Variants in CAPN1 observed in about 807,000 individuals in gnomAD.
The protein encoded by CAPN1 is calpain 1, also known as calpain-1 catalytic subunit.
Under a neutral mutation model 105.2 loss-of-function variants are expected in CAPN1, and 77 were observed. The observed-to-expected ratio is 0.73, with a 90% confidence interval of 0.61 to 0.88. The LOEUF (loss-of-function observed/expected upper bound fraction) is 0.88, where lower values mean the gene tolerates loss of function less well. CAPN1 is among the 40% of genes least tolerant of loss of function. The pLI is 0.00. For synonymous variants in CAPN1, 355 were observed against 388.8 expected (o/e 0.91, Z 1.02); for missense variants, 833 against 976.6 (o/e 0.85, Z 1.96).
At position 65,209,994 on chromosome 11, in the gene CAPN1, C is replaced by T. The variant is rs757425566; in HGVS notation, c.1864-24C>T. 3.1e-6 allele frequency: 5 copies of T among 1,612,706 alleles called. No homozygotes were observed. The highest frequency in any genetic ancestry group is 3.3e-5 in the Admixed American group (2 of 59,978). On this transcript the variant is annotated intron_variant, in intron 18 of 21. Transcript: ENST00000279247. This position sits in a 1 kb window ranked among gnomAD's most constrained non-coding sequence, Gnocchi z 4.1. ...GAAGGGCCGGGTGACTCAGCCTGGC[C>T]CTCACCCTCTGCCGCCACCTCAGTC...
At position 65,208,413 on chromosome 11, in the gene CAPN1, C is replaced by T; in HGVS notation, c.1729+151C>T. On this transcript the variant is annotated intron_variant, in intron 16 of 21. Transcript: ENST00000279247. This position sits in a 1 kb window ranked among gnomAD's most constrained non-coding sequence, Gnocchi z 4.1. ...TCTGAGCCCAGTTCCCTGCCATTTC[C>T]ATCCCATACTCCTCCTCCTGACCTG... The T allele has an allele frequency of 2.8e-6, 2 of 722,516 alleles. No individual in the cohort carries two copies. The highest frequency in any genetic ancestry group is 3.3e-5 in the South Asian group (2 of 60,010). 44.8% of individuals were successfully genotyped at this position (722,516 alleles called of 1,614,324 possible). A position where few individuals can be genotyped will look rare whatever the true frequency, so the allele number is the denominator to read the frequency against.
In CAPN1 at chr11:65,188,733, C is replaced by T. The variant is rs17881532; in HGVS notation, c.1152C>T (p.Cys384=). The T allele has an allele frequency of 2.9e-3, 4,494 of 1,570,872 alleles. 11 individuals are homozygous for T. Among genetic ancestry groups the T allele is most frequent in the Non-Finnish European group, 3.4e-3 (3,921 of 1,158,272 alleles). ...TWRRGSTAGG[C]RNYPATFWVN... ...GGCGGGGGAGCACCGCGGGGGGCTG[C>T]CGAAACTACCCAGGTGCACAGGGGC... Residue 384 remains cysteine, a synonymous_variant, in exon 10 of 22, where the codon TGC becomes TGT. Coordinates refer to ENST00000279247, the MANE Select transcript of CAPN1 (RefSeq NM_005186.4). This position sits in a 1 kb window ranked among gnomAD's most constrained non-coding sequence, Gnocchi z 5.5.
chr11:65,187,620 C>G, intron 7 of CAPN1: 1 of 475,280 alleles, frequency 2.1e-6, no homozygotes, highest in Non-Finnish European at 3.9e-6. Flanking sequence ...GGTGCACTGG[C>G]TCACACCTGT....
At chr11:65,205,657 C>A in intron 11 of CAPN1, 53 bp from the exon 12 acceptor site, 9 of 1,597,680 alleles carry the variant, frequency 5.6e-6, no homozygotes, top group Non-Finnish European at 7.7e-6. Context: ...TGCACTGTGA[C>A]CCCGCCCTGG....
chr11:65,186,511 C>T lies in CAPN1; in HGVS notation c.759+173C>T, dbSNP rs1384921155. Among the ~76,000 whole-genome samples the T allele has an allele frequency of 2.6e-5, 4 of 152,050 alleles. No individual in the cohort carries two copies. The South Asian group carries it at 6.2e-4, about 24-fold the overall frequency. ...CACTTCCACCCCCCATGCCTGGTGT[C>T]GCTCCTGTCCTCACCTACCCACTCC... On this transcript the variant is annotated intron_variant, in intron 6 of 21. Transcript: ENST00000279247.
At chr11:65,183,637 A>G in intron 4 of CAPN1, 45 bp downstream of exon 4, 1 of 1,312,382 alleles carries the variant, frequency 7.6e-7, no homozygotes, top group Non-Finnish European at 1.1e-6. Context: ...ACTGGGGGAG[A>G]TGCGGAAGGA....
Position 65,210,008 on chromosome 11 carries a change from G to T in CAPN1, c.1864-10G>T, listed in dbSNP as rs1049953710. ...CTCAGCCTGGCCCTCACCCTCTGCC[G>T]CCACCTCAGTCCATCTTCCGGAAGT... On this transcript the variant is annotated splice_polypyrimidine_tract_variant and intron_variant, in intron 18 of 21. Transcript: ENST00000279247. This position sits in a 1 kb window ranked among gnomAD's most constrained non-coding sequence, Gnocchi z 4.3. 6.2e-7 allele frequency: 1 copy of T among 1,613,074 alleles called. No individual in the cohort carries two copies. The highest frequency in any genetic ancestry group is 1.1e-5 in the South Asian group (1 of 91,064).
intron 10 of CAPN1, chr11:65,203,231 C>G (rs2137376428): frequency 6.6e-6 from 1 of 152,146 alleles, no homozygotes; most frequent in South Asian, 2.1e-4. Context: ...TGCTCTCTTG[C>G]CCAGGCTGGA....
At chr11:65,198,381 A>C (rs1565407837) in intron 10 of CAPN1, among the ~76,000 whole-genome samples, 1 of 152,068 alleles carries the variant, frequency 6.6e-6, no homozygotes, top group Admixed American at 6.6e-5. Context: ...TCCTAGCTCA[A>C]GCCATCCACC....
chr11:65,203,789 G>A (rs1246395243), intron 10 of CAPN1, among the ~76,000 whole-genome samples: 3 of 152,082 alleles, frequency 2.0e-5, no homozygotes, highest in South Asian at 2.1e-4. Flanking sequence ...AATGTTCTTC[G>A]GAGCAGCTGC....
rs1189898477 is a variant in CAPN1, at chr11:65,204,799, C to T, written c.1282C>T (p.Arg428Cys). 1.2e-6 allele frequency: 2 copies of T among 1,612,576 alleles called. No homozygotes were observed. Among genetic ancestry groups the T allele is most frequent in the Non-Finnish European group, 1.7e-6 (2 of 1,179,578 alleles). ...CGTGCTCGCCCTTATGCAGAAGCAC[C>T]GTCGCCGCGAGCGCCGCTTCGGCCG... is the stretch of plus-strand genomic sequence containing the variant. Reference protein sequence around the residue: ...SFVLALMQKHRRRERRFGRDM... With the variant: ...SFVLALMQKHCRRERRFGRDM... The change falls in exon 11 of 22, where the codon CGT (arginine) becomes TGT (cysteine). Residue 428 changes from arginine (R) to cysteine (C), a missense_variant. Physicochemically the swap from Arg to Cys is radical, Grantham distance 180. Coordinates refer to ENST00000279247, the MANE Select transcript of CAPN1 (RefSeq NM_005186.4).
chr11:65,182,273 C>G, intron 1 of CAPN1: 1 of 86,144 alleles, frequency 1.2e-5, no homozygotes, highest in Non-Finnish European at 2.5e-5. Flanking sequence ...CTGGGGTTTT[C>G]AGCCCACGGC....
intron 10 of CAPN1, among the ~76,000 whole-genome samples, chr11:65,201,810 GC>G (rs1948874621): frequency 6.8e-6 from 1 of 147,886 alleles, no homozygotes; most frequent in African/African-American, 2.5e-5. Context: ...GAGCCACCGC[GC>G]CCGGCTTTTG....
chr11:65,188,796 C>T lies in CAPN1; in HGVS notation c.1165+50C>T. The T allele has an allele frequency of 6.8e-7, 1 of 1,473,640 alleles. No homozygotes were observed. The highest frequency in any genetic ancestry group is 9.2e-7 in the Non-Finnish European group (1 of 1,083,794). 91.3% of individuals were successfully genotyped at this position (1,473,640 alleles called of 1,614,324 possible). A position where few individuals can be genotyped will look rare whatever the true frequency, so the allele number is the denominator to read the frequency against. On this transcript the variant is annotated intron_variant, in intron 10 of 21. Transcript: ENST00000279247. This position sits in a 1 kb window ranked among gnomAD's most constrained non-coding sequence, Gnocchi z 5.5. ...TTGCTGCTTCCTGGCTTAGGGGCTCCAGAAGGCACGTCATCTTACTGAGCC... is the reference window on the plus strand; with the variant it reads ...TTGCTGCTTCCTGGCTTAGGGGCTCTAGAAGGCACGTCATCTTACTGAGCC...
chr11:65,184,954 A>G (rs1948610739), intron 4 of CAPN1, among the ~76,000 whole-genome samples: 1 of 152,104 alleles, frequency 6.6e-6, no homozygotes, highest in Non-Finnish European at 1.5e-5. Context: ...TGTAGCTAGT[A>G]TGTCTCGAGC....
Position 65,210,225 on chromosome 11 carries a change from G to C in CAPN1, c.1943-111G>C. 1 of 1,120,668 alleles carries C rather than the reference G, an allele frequency of 8.9e-7. No individual in the cohort carries two copies. The allele number at this position is 1,120,668 out of a possible 1,614,324, so 69.4% of individuals were successfully genotyped here. A position where few individuals can be genotyped will look rare whatever the true frequency, so the allele number is the denominator to read the frequency against. ...ACAGCCATCTTGTCCTTTTCCCCAC[G>C]GTTACTAGCACCCTGCCTAGCCCCA... On this transcript the variant is annotated intron_variant, in intron 19 of 21. Coordinates refer to ENST00000279247, the MANE Select transcript of CAPN1 (RefSeq NM_005186.4). This position sits in a 1 kb window ranked among gnomAD's most constrained non-coding sequence, Gnocchi z 4.3.
In CAPN1 at chr11:65,188,624, T is replaced by C. The variant is rs1948674680; in HGVS notation, c.1043T>C (p.Leu348Pro). ...FRDFMREFTRLEICNLTPDAL... is the reference protein window; with the variant it reads ...FRDFMREFTRPEICNLTPDAL... The stretch of plus-strand genomic sequence containing the variant: ...GACTTCATGCGGGAGTTCACCCGCC[T>C]GGAGATCTGCAACCTCACACCCGAC... Residue 348 changes from leucine to proline, a missense_variant, in exon 10 of 22, where the codon CTG becomes CCG. By Grantham distance (98) the Leu-to-Pro change is moderately conservative. Coordinates refer to ENST00000279247, the MANE Select transcript of CAPN1 (RefSeq NM_005186.4). The surrounding 1 kb of genome is among the most constrained non-coding windows in gnomAD (Gnocchi z 5.5). 2 of 1,613,828 alleles carry C rather than the reference T, an allele frequency of 1.2e-6. No individual in the cohort carries two copies. The highest frequency in any genetic ancestry group is 1.7e-6 in the Non-Finnish European group (2 of 1,179,880).
Position 65,210,484 on chromosome 11 carries a change from G to A in CAPN1, c.2059+32G>A, listed in dbSNP as rs1949031430. The A allele has an allele frequency of 1.2e-5, 16 of 1,339,972 alleles. No homozygotes were observed. The highest frequency in any genetic ancestry group is 1.6e-5 in the Non-Finnish European group (15 of 938,230). The allele number at this position is 1,339,972 out of a possible 1,614,324, so 83.0% of individuals were successfully genotyped here. On this transcript the variant is annotated intron_variant, in intron 20 of 21. Coordinates refer to ENST00000279247, the MANE Select transcript of CAPN1 (RefSeq NM_005186.4). This position sits in a 1 kb window ranked among gnomAD's most constrained non-coding sequence, Gnocchi z 4.3. ...GTCCCCAACTGCCTCCCACCCTCCAGCTCCGTCCCAAACGCGTCCCCCAGG... is the reference window on the plus strand; with the variant it reads ...GTCCCCAACTGCCTCCCACCCTCCAACTCCGTCCCAAACGCGTCCCCCAGG...
intron 4 of CAPN1, among the ~76,000 whole-genome samples, chr11:65,185,347 G>C (rs1313153527): frequency 6.6e-6 from 1 of 152,034 alleles, no homozygotes; most frequent in African/African-American, 2.4e-5. Flanking sequence ...GGTAGCAAAG[G>C]CAGTCTTGTT....
Sources: allele counts gnomAD v4.1 joint callset (sites outside exome capture counted in the v4.1 genomes callset), GRCh38; gene constraint gnomAD v4.1.1; non-coding constraint Gnocchi (gnomAD v3.1); transcripts MANE v1.5; gene names NCBI Gene and HGNC (gene_info 2026-07-23, HGNC 2026-07-21).